The following RAD51B variants were observed in gnomAD, a reference collection of about 807,000 sequenced individuals.
The protein encoded by RAD51B is DNA repair protein RAD51 homolog 2.
Under a neutral mutation model 42.2 loss-of-function variants are expected in RAD51B, and 38 were observed. The observed-to-expected ratio is 0.90, with a 90% CI of 0.70 to 1.18. The LOEUF is 1.18. Ranked by LOEUF, RAD51B falls within the 50% of genes most tolerant of loss-of-function variation. RAD51B has a pLI of 0.00. For missense variants in RAD51B, 373 were observed against 400.7 expected (o/e 0.93, Z 0.59); for synonymous variants, 154 against 145.2 (o/e 1.06, Z -0.43).
At chr14:68,017,767 T>C (rs2075800201) in intron 7 of RAD51B, among the ~76,000 whole-genome samples, 1 of 151,904 alleles carries the variant, frequency 6.6e-6, no homozygotes, top group African/African-American at 2.4e-5. Context: ...GGTCAAGAGA[T>C]TGAGACCATC....
intron 8 of RAD51B, among the ~76,000 whole-genome samples, chr14:68,410,798 C>T (rs2084395047): frequency 6.6e-6 from 1 of 152,152 alleles, no homozygotes. Context: ...GCTAGGAACT[C>T]AGATAGAGTT....
chr14:68,274,514 T>G (rs1311253003), intron 7 of RAD51B, among the ~76,000 whole-genome samples: 1 of 152,196 alleles, frequency 6.6e-6, no homozygotes, highest in East Asian at 1.9e-4. Context: ...CAGATTTCCC[T>G]GATTGTCTCA....
At chr14:68,072,308 A>G (rs1398933999) in intron 7 of RAD51B, among the ~76,000 whole-genome samples, 1 of 150,298 alleles carries the variant, frequency 6.7e-6, no homozygotes, top group African/African-American at 2.5e-5. Context: ...GAGTTTATTA[A>G]GTATTAACTT....
At chr14:68,563,323 C>T (rs2140023469) in intron 10 of RAD51B, 1 of 985,400 alleles carries the variant, frequency 1.0e-6, no homozygotes, top group East Asian at 1.1e-4. Context: ...GGGGCGTGCT[C>T]CTTCTTCCCC....
intron 10 of RAD51B, among the ~76,000 whole-genome samples, chr14:68,558,290 G>A (rs1048482661): frequency 6.6e-6 from 1 of 152,176 alleles, no homozygotes; most frequent in Non-Finnish European, 1.5e-5. Context: ...GGCCACCATC[G>A]GGGGCTCAGC....
At chr14:68,080,212 C>T (rs2076892710) in intron 7 of RAD51B, among the ~76,000 whole-genome samples, 1 of 152,150 alleles carries the variant, frequency 6.6e-6, no homozygotes, top group South Asian at 2.1e-4. Context: ...CAGTTGCTTC[C>T]TGTTTATTTG....
intron 4 of RAD51B, among the ~76,000 whole-genome samples, chr14:67,846,830 T>C (rs554480622): frequency 6.6e-6 from 1 of 152,212 alleles, no homozygotes; most frequent in South Asian, 2.1e-4. Context: ...ATGGTGAGCC[T>C]TGGGAGATGG....
intron 7 of RAD51B, among the ~76,000 whole-genome samples, chr14:68,167,135 A>G (rs758475965): frequency 1.1e-4 from 17 of 152,322 alleles, no homozygotes; most frequent in East Asian, 3.9e-4. Context: ...CTTGTGTGCT[A>G]TAAGACAAAG....
intron 7 of RAD51B, among the ~76,000 whole-genome samples, chr14:68,011,422 A>G (rs6573805): frequency 0.27 from 41,612 of 151,912 alleles, 7,457 homozygotes; most frequent in African/African-American, 0.51. Context: ...CTTCCAATTT[A>G]AATTTAAGTA....
chr14:68,042,623 C>CA lies in RAD51B; in HGVS notation c.756+155420dup, dbSNP rs552069658. On this transcript the variant is annotated intron_variant, in intron 7 of 10. Transcript: ENST00000471583. ...CACACCCTTTCTCCCTCCCCTTTCC[C>CA]ATGCTTTTGTTTCCTTGAGAAAAGG... Among the ~76,000 whole-genome samples the CA allele has an allele frequency of 9.1e-4, 138 of 152,260 alleles. 1 individual carries two copies. The highest frequency in any genetic ancestry group is 3.3e-3 in the African/African-American group (136 of 41,558).
intron 7 of RAD51B, among the ~76,000 whole-genome samples, chr14:68,090,040 A>G (rs2077063408): frequency 6.6e-6 from 1 of 152,074 alleles, no homozygotes; most frequent in Non-Finnish European, 1.5e-5. Flanking sequence ...AATTCAAGTT[A>G]TTTTTTCTGG....
At chr14:67,838,498 A>G (rs2041321560) in intron 4 of RAD51B, among the ~76,000 whole-genome samples, 1 of 152,156 alleles carries the variant, frequency 6.6e-6, no homozygotes, top group African/African-American at 2.4e-5. Flanking sequence ...GCTGGAGTGC[A>G]GTGGCACAAC....
intron 8 of RAD51B, among the ~76,000 whole-genome samples, chr14:68,398,297 C>T (rs2083986038): frequency 6.6e-6 from 1 of 152,234 alleles, no homozygotes; most frequent in East Asian, 1.9e-4. Flanking sequence ...TCATCAGATG[C>T]ACTTAGGCAC....
chr14:67,912,760 C>T (rs1275937327), intron 7 of RAD51B, among the ~76,000 whole-genome samples: 1 of 150,658 alleles, frequency 6.6e-6, no homozygotes, highest in African/African-American at 2.4e-5. Flanking sequence ...GGCTAGAGTG[C>T]AGTGGCGCGA....
At chr14:68,451,927 G>C (rs939692840) in intron 9 of RAD51B, among the ~76,000 whole-genome samples, 1 of 152,218 alleles carries the variant, frequency 6.6e-6, no homozygotes, top group Non-Finnish European at 1.5e-5. Flanking sequence ...ACAGGGATGT[G>C]TGCTTCAGAA....
At chr14:68,102,401 T>A (rs2077306179) in intron 7 of RAD51B, among the ~76,000 whole-genome samples, 1 of 152,206 alleles carries the variant, frequency 6.6e-6, no homozygotes, top group African/African-American at 2.4e-5. Context: ...TAGATTCCAA[T>A]GCCAAACCAT....
chr14:68,368,349 C>T (rs2083184694), intron 8 of RAD51B, among the ~76,000 whole-genome samples: 1 of 152,204 alleles, frequency 6.6e-6, no homozygotes, highest in African/African-American at 2.4e-5. Flanking sequence ...CTCCATTCTC[C>T]CACCGGTCAT....
chr14:68,497,263 G>T, intron 10 of RAD51B: 3 of 1,344,314 alleles, frequency 2.2e-6, no homozygotes, highest in South Asian at 1.3e-5. Context: ...AAAACATTTG[G>T]TTGCTACTGT....
chr14:68,045,049 C>T (rs2076276875), intron 7 of RAD51B, among the ~76,000 whole-genome samples: 1 of 151,730 alleles, frequency 6.6e-6, no homozygotes, highest in South Asian at 2.1e-4. Flanking sequence ...AGACCAGCCT[C>T]ATCATGGAGA....
Sources: gnomAD v4.1 joint callset for allele counts (sites outside exome capture counted in the v4.1 genomes callset) on GRCh38, gnomAD v4.1.1 for gene constraint, MANE v1.5 for transcripts, NCBI Gene and HGNC (gene_info 2026-07-23, HGNC 2026-07-21) for gene names.